The following PALS2 variants were observed in gnomAD, a reference collection of about 807,000 sequenced individuals.
The protein encoded by PALS2 is protein PALS2.
A neutral mutation model predicts 61.6 loss-of-function variants in PALS2; 27 were observed. The observed-to-expected ratio is 0.44, with a 90% CI of 0.32 to 0.60. PALS2 has a LOEUF of 0.60. Ranked by LOEUF, PALS2 falls within the 20% of genes least tolerant of loss-of-function variation. PALS2 has a pLI of 0.05. For missense variants in PALS2, 554 were observed against 639.4 expected, an observed-to-expected ratio of 0.87 and a Z score of 1.44; for synonymous variants, 236 against 218.6, an observed-to-expected ratio of 1.08 and a Z score of -0.70.
intron 1 of PALS2, among the ~76,000 whole-genome samples, chr7:24,598,470 G>A (rs1354963388): frequency 6.6e-6 from 1 of 152,136 alleles, no homozygotes; most frequent in African/African-American, 2.4e-5. Context: ...AAATAGTACT[G>A]TTGTTCAGTT....
chr7:24,600,822 T>A (rs1374761625), intron 1 of PALS2, among the ~76,000 whole-genome samples: 3 of 152,200 alleles, frequency 2.0e-5, no homozygotes, highest in African/African-American at 7.2e-5. Flanking sequence ...CAGGTTTCTG[T>A]CCTCAAGCGA....
At chr7:24,604,884 G>T (rs952086576) in intron 1 of PALS2, among the ~76,000 whole-genome samples, 52 of 152,268 alleles carry the variant, frequency 3.4e-4, no homozygotes, top group African/African-American at 1.2e-3. Context: ...TCAAGCTTCG[G>T]TTATCACCAA....
chr7:24,594,148 C>A (rs910874796), intron 1 of PALS2, among the ~76,000 whole-genome samples: 1 of 152,072 alleles, frequency 6.6e-6, no homozygotes, highest in African/African-American at 2.4e-5. Context: ...TTTCCATAGA[C>A]CTCATGAACA....
At chr7:24,684,765 C>T (rs1300601097) in intron 11 of PALS2, among the ~76,000 whole-genome samples, 2 of 151,804 alleles carry the variant, frequency 1.3e-5, no homozygotes, top group Non-Finnish European at 2.9e-5. Context: ...GCCTTTTTTT[C>T]CTCTTATCCT....
chr7:24,589,190 C>G (rs1418028026), intron 1 of PALS2: 2 of 152,086 alleles, frequency 1.3e-5, no homozygotes, highest in Non-Finnish European at 2.9e-5. Flanking sequence ...TCTTCATCTT[C>G]CATTTTCACC....
At position 24,633,661 on chromosome 7, in the gene PALS2, T is replaced by C. The variant is rs149142381; in HGVS notation, c.118-8055T>C. 3.0e-3 allele frequency among the ~76,000 whole-genome samples: 450 copies of C among 152,144 alleles called. 3 individuals carry two copies. The highest frequency in any genetic ancestry group is 9.9e-3 in the African/African-American group (413 of 41,510). On this transcript the variant is annotated intron_variant, in intron 2 of 11. Transcript: ENST00000222644. The stretch of plus-strand genomic sequence containing the variant: ...TTTTGTAGCATTTTGGATTTTAGAT[T>C]TTTGGATTGGGGATACTCAACCTAT...
intron 1 of PALS2, among the ~76,000 whole-genome samples, chr7:24,607,822 C>T (rs1390496412): frequency 1.3e-5 from 2 of 151,746 alleles, no homozygotes; most frequent in South Asian, 2.1e-4. Context: ...CTAGGTATCT[C>T]TAAAAGAATG....
At chr7:24,634,286 A>C (rs1346036798) in intron 2 of PALS2, among the ~76,000 whole-genome samples, 2 of 152,154 alleles carry the variant, frequency 1.3e-5, no homozygotes, top group Non-Finnish European at 2.9e-5. Flanking sequence ...GCTGGAGTGC[A>C]GTGGCACGAT....
At chr7:24,595,784 A>G (rs1783501822) in intron 1 of PALS2, among the ~76,000 whole-genome samples, 1 of 151,162 alleles carries the variant, frequency 6.6e-6, no homozygotes, top group Non-Finnish European at 1.5e-5. Flanking sequence ...TTTAGATTGA[A>G]TGCTTGGGTT....
chr7:24,630,290 T>A (rs1784941903), intron 2 of PALS2, among the ~76,000 whole-genome samples: 1 of 151,790 alleles, frequency 6.6e-6, no homozygotes, highest in African/African-American at 2.4e-5. Context: ...GAAGAACATA[T>A]GGACACAGGG....
At position 24,595,941 on chromosome 7, in the gene PALS2, T is replaced by C. The variant is rs918357702; in HGVS notation, c.-3+22348T>C. ...GAGATGGGAGATGAACTGGTCTAGT[T>C]TGAAAACAGAAAGGAGCCCAGTGTG... On this transcript the variant is annotated intron_variant, in intron 1 of 11. Transcript: ENST00000222644. 2.0e-5 allele frequency among the ~76,000 whole-genome samples: 3 copies of C among 151,716 alleles called. No individual in the cohort carries two copies. The South Asian group carries it at 6.2e-4, about 32-fold the overall frequency.
At chr7:24,604,445 A>G (rs1783826172) in intron 1 of PALS2, among the ~76,000 whole-genome samples, 1 of 152,140 alleles carries the variant, frequency 6.6e-6, no homozygotes, top group Non-Finnish European at 1.5e-5. Flanking sequence ...AACAAGAGAA[A>G]GAAAAGAGAT....
rs76239425 is a variant in PALS2, at chr7:24,579,072, A to G, written c.-3+5479A>G. ...GAGTCTAACTTCCTTTATATAAAGT[A>G]CCTACTAACCAATTAGGAAAAGACC... On this transcript the variant is annotated intron_variant, in intron 1 of 11. Transcript: ENST00000222644. 6.5e-3 allele frequency among the ~76,000 whole-genome samples: 997 copies of G among 152,336 alleles called. 12 individuals are homozygous for G. The highest frequency in any genetic ancestry group is 0.022 in the African/African-American group (920 of 41,574).
intron 8 of PALS2, among the ~76,000 whole-genome samples, chr7:24,666,325 T>A (rs1259674962): frequency 6.6e-6 from 1 of 152,212 alleles, no homozygotes; most frequent in Non-Finnish European, 1.5e-5. Context: ...ACAAATTGGT[T>A]AAGATTTTTG....
rs1197445076 is a variant in PALS2 at position 24,691,132 on chromosome 7, G to A, written c.*3518G>A. ...CTGGAGTTGATTTTCAAGGTGGATA[G>A]CCATAGAGTTAGGTAAAATTATTTT... On this transcript the variant is annotated 3_prime_UTR_variant, in exon 12 of 12. Transcript: ENST00000222644. 6.6e-6 allele frequency: 1 copy of A among 151,958 alleles called. No homozygotes were observed. Among genetic ancestry groups the A allele is most frequent in the Non-Finnish European group, 1.5e-5 (1 of 67,958 alleles). 9.4% of individuals were successfully genotyped at this position (151,958 alleles called of 1,614,324 possible).
At chr7:24,616,661 C>G (rs977878965) in intron 1 of PALS2, among the ~76,000 whole-genome samples, 20 of 152,108 alleles carry the variant, frequency 1.3e-4, no homozygotes, top group African/African-American at 4.3e-4. Context: ...CGTTTACAGC[C>G]AAGGGTGTTG....
intron 1 of PALS2, among the ~76,000 whole-genome samples, chr7:24,595,938 A>G (rs1783508573): frequency 6.6e-6 from 1 of 151,894 alleles, no homozygotes; most frequent in South Asian, 2.1e-4. Context: ...GAACTGGTCT[A>G]GTTTGAAAAC....
chr7:24,629,782 C>A (rs937416674), intron 2 of PALS2, among the ~76,000 whole-genome samples: 1 of 152,182 alleles, frequency 6.6e-6, no homozygotes, highest in African/African-American at 2.4e-5. Flanking sequence ...AATGAGATAC[C>A]TTCTCACACC....
chr7:24,647,639 A>G (rs1466250287), intron 3 of PALS2, among the ~76,000 whole-genome samples: 1 of 152,150 alleles, frequency 6.6e-6, no homozygotes, highest in Non-Finnish European at 1.5e-5. Flanking sequence ...CTTCTCATCA[A>G]CTGGGCTGCT....
Sources: gnomAD v4.1 joint callset for allele counts (sites outside exome capture counted in the v4.1 genomes callset) on GRCh38, gnomAD v4.1.1 for gene constraint, MANE v1.5 for transcripts, NCBI Gene and HGNC (gene_info 2026-07-23, HGNC 2026-07-21) for gene names.